ZNF292: variants seen among roughly 807,000 people sequenced by gnomAD.
ZNF292 encodes the protein zinc finger protein 292.
ZNF292 carries 26 observed loss-of-function variants against 217.9 expected under a neutral mutation model. That is an observed-to-expected ratio of 0.12 (90% confidence interval 0.09 to 0.17). ZNF292 has a LOEUF of 0.17. Among genes scored for constraint, ZNF292 ranks in the 10% least tolerant of loss-of-function variants. ZNF292 has a pLI of 1.00. For missense variants in ZNF292, 2,904 were observed against 3,175.2 expected, an observed-to-expected ratio of 0.91 and a Z score of 2.05; for synonymous variants, 1,257 against 1,124.1, an observed-to-expected ratio of 1.12 and a Z score of -2.37.
chr6:87,178,483 T>TA (rs1373740057), intron 1 of ZNF292, among the ~76,000 whole-genome samples: 1 of 152,232 alleles, frequency 6.6e-6, no homozygotes, highest in Non-Finnish European at 1.5e-5. Flanking sequence ...AAACAGTTCT[T>TA]ATAAAGCAAA....
Position 87,240,133 on chromosome 6 carries a change from C to T in ZNF292, c.742-3342C>T, listed in dbSNP as rs575814693. ...GGGAGGCCAAGGCTGGCAGATCACT[C>T]GCGGTTAGGAGCTGGAGACCAGCCC... is the stretch of plus-strand genomic sequence containing the variant. On this transcript the variant is annotated intron_variant, in intron 5 of 7. Coordinates refer to ENST00000369577, the MANE Select transcript of ZNF292 (RefSeq NM_015021.3). 3.3e-5 allele frequency among the ~76,000 whole-genome samples: 5 copies of T among 152,296 alleles called. No homozygotes were observed. In the East Asian group the frequency reaches 5.8e-4, roughly 18 times the overall value.
chr6:87,173,978 T>C lies in ZNF292; in HGVS notation c.168+18219T>C. The C allele has an allele frequency of 2.7e-5, 7 of 263,776 alleles. 1 individual carries two copies. In the South Asian group the frequency reaches 3.3e-4, roughly 12 times the overall value. The allele number at this position is 263,776 out of a possible 1,614,324, so 16.3% of individuals were successfully genotyped here. On this transcript the variant is annotated intron_variant, in intron 1 of 7. Coordinates refer to ENST00000369577, the MANE Select transcript of ZNF292 (RefSeq NM_015021.3). ...TTTTACCCTGGTTCAGGGCAGAAAATAACAAAATCTGCTTCAATGTTAAGA... is the reference window on the plus strand; with the variant it reads ...TTTTACCCTGGTTCAGGGCAGAAAACAACAAAATCTGCTTCAATGTTAAGA...
rs1436093025 is a variant in ZNF292, at chr6:87,256,515, T to C, written c.2886T>C (p.Ser962=). Residue 962 remains serine, a synonymous_variant, in exon 8 of 8, where the codon AGT becomes AGC. Transcript: ENST00000369577. ...GKQENSTVEG[S]GEALVTDLHT... is the part of the protein sequence containing the mutation. ...AAGAAAACTCAACTGTGGAAGGCAG[T>C]GGTGAAGCACTGGTCACAGACTTAC... The C allele has an allele frequency of 1.2e-6, 2 of 1,612,842 alleles. No individual in the cohort carries two copies. The highest frequency in any genetic ancestry group is 1.7e-6 in the Non-Finnish European group (2 of 1,179,830).
intron 7 of ZNF292, among the ~76,000 whole-genome samples, chr6:87,252,258 T>C (rs953267538): frequency 9.9e-5 from 15 of 152,094 alleles, no homozygotes; most frequent in Non-Finnish European, 1.6e-4. Flanking sequence ...TTCAAGTGAT[T>C]CTCCTGCCTT....
intron 7 of ZNF292, among the ~76,000 whole-genome samples, chr6:87,253,292 G>A (rs533249175): frequency 5.5e-5 from 8 of 146,054 alleles, no homozygotes; most frequent in Admixed American, 3.5e-4. Flanking sequence ...GCAGTGGTGC[G>A]ATCTCTGCTC....
At chr6:87,178,161 G>A (rs1167662279) in intron 1 of ZNF292, among the ~76,000 whole-genome samples, 2 of 152,016 alleles carry the variant, frequency 1.3e-5, no homozygotes, top group African/African-American at 4.8e-5. Flanking sequence ...TTAATTACGT[G>A]TTCCTCATTC....
intron 1 of ZNF292, among the ~76,000 whole-genome samples, chr6:87,184,692 A>G (rs539658465): frequency 3.3e-5 from 5 of 152,300 alleles, no homozygotes; most frequent in Admixed American, 6.5e-5. Flanking sequence ...ACAACAGTCC[A>G]TCTGCAAGCC....
chr6:87,218,464 A>T lies in ZNF292; in HGVS notation c.403-132A>T, dbSNP rs375905014. On this transcript the variant is annotated intron_variant, in intron 3 of 7. Transcript: ENST00000369577. ...CATCTTTAAATATTAGAAGGAATTGAGTACTTTGTAATGTGATGTGAAATT... is the reference window on the plus strand; with the variant it reads ...CATCTTTAAATATTAGAAGGAATTGTGTACTTTGTAATGTGATGTGAAATT... 5 of 542,174 alleles carry T rather than the reference A, an allele frequency of 9.2e-6. No individual in the cohort carries two copies. The East Asian group carries it at 1.6e-4, about 18-fold the overall frequency. 33.6% of individuals were successfully genotyped at this position (542,174 alleles called of 1,614,324 possible). A position where few individuals can be genotyped will look rare whatever the true frequency, so the allele number is the denominator to read the frequency against.
chr6:87,261,954 T>C lies in ZNF292; in HGVS notation c.*153T>C. ...AAAAAGAAAAAAAAAACATGACATTTGTCATGTAAAACTTTTTTTTATCCC... is the reference window on the plus strand; with the variant it reads ...AAAAAGAAAAAAAAAACATGACATTCGTCATGTAAAACTTTTTTTTATCCC... On this transcript the variant is annotated 3_prime_UTR_variant, in exon 8 of 8. Transcript: ENST00000369577. The C allele has an allele frequency of 1.7e-6, 1 of 578,040 alleles. No individual in the cohort carries two copies. Among genetic ancestry groups the C allele is most frequent in the East Asian group, 3.2e-5 (1 of 31,420 alleles). 35.8% of individuals were successfully genotyped at this position (578,040 alleles called of 1,614,324 possible).
At chr6:87,226,684 GA>G (rs1336384652) in intron 4 of ZNF292, among the ~76,000 whole-genome samples, 1 of 35,320 alleles carries the variant, frequency 2.8e-5, no homozygotes, top group Non-Finnish European at 5.0e-5. Flanking sequence ...TAGATATATA[GA>G]TTTTTTTTTT....
chr6:87,194,537 A>C (rs1329362872), intron 1 of ZNF292, among the ~76,000 whole-genome samples: 5 of 152,140 alleles, frequency 3.3e-5, no homozygotes, highest in Non-Finnish European at 7.4e-5. Flanking sequence ...TCTAGGGGGG[A>C]GGAACTAAGT....
At position 87,256,495 on chromosome 6, in the gene ZNF292, A is replaced by G; in HGVS notation, c.2866A>G (p.Asn956Asp). The change falls in exon 8 of 8, where the codon AAC (asparagine) becomes GAC (aspartate). Residue 956 changes from asparagine (N) to aspartate (D), a missense_variant. Asn to Asp is a conservative substitution (Grantham distance 23, BLOSUM62 1). Transcript: ENST00000369577. ...TGAGGATAACTTTGGAAAGCAAGAA[A>G]ACTCAACTGTGGAAGGCAGTGGTGA... ...GIEDNFGKQE[N>D]STVEGSGEAL... The G allele has an allele frequency of 1.2e-6, 2 of 1,611,850 alleles. No individual in the cohort carries two copies. The highest frequency in any genetic ancestry group is 1.3e-5 in the African/African-American group (1 of 75,048).
chr6:87,196,361 G>C (rs373637911), intron 1 of ZNF292, among the ~76,000 whole-genome samples: 1 of 151,932 alleles, frequency 6.6e-6, no homozygotes, highest in East Asian at 1.9e-4. Flanking sequence ...TTGTTTCCTT[G>C]CTACACTTTC....
chr6:87,159,536 T>A (rs892712603), intron 1 of ZNF292, among the ~76,000 whole-genome samples: 1 of 147,988 alleles, frequency 6.8e-6, no homozygotes, highest in Non-Finnish European at 1.5e-5. Flanking sequence ...GTAGTTTAAC[T>A]CTGTCACCCA....
chr6:87,231,594 A>G (rs1773659958), intron 4 of ZNF292, among the ~76,000 whole-genome samples: 1 of 152,328 alleles, frequency 6.6e-6, no homozygotes, highest in African/African-American at 2.4e-5. Context: ...ACAAAAGCCT[A>G]TGGCTTTGAA....
At chr6:87,200,767 T>C (rs1004944155) in intron 1 of ZNF292, among the ~76,000 whole-genome samples, 3 of 152,220 alleles carry the variant, frequency 2.0e-5, no homozygotes, top group Admixed American at 1.3e-4. Context: ...GATTGTGTTA[T>C]AGCATCCATA....
intron 1 of ZNF292, among the ~76,000 whole-genome samples, chr6:87,212,299 A>G (rs115767718): frequency 2.1e-3 from 317 of 152,284 alleles, no homozygotes; most frequent in African/African-American, 7.4e-3. Flanking sequence ...CTCTTAGACT[A>G]CTGTTGTTTA....
chr6:87,242,133 C>G (rs1049742363), intron 5 of ZNF292, among the ~76,000 whole-genome samples: 2 of 152,148 alleles, frequency 1.3e-5, no homozygotes, highest in Non-Finnish European at 2.9e-5. Context: ...TAAATCTTTA[C>G]TTTATAAATA....
intron 7 of ZNF292, among the ~76,000 whole-genome samples, chr6:87,247,403 T>G (rs139928640): frequency 6.6e-6 from 1 of 152,096 alleles, no homozygotes; most frequent in Non-Finnish European, 1.5e-5. Flanking sequence ...CACATATGGA[T>G]GGTAGGGAAT....
Sources: gnomAD v4.1 joint callset for allele counts (sites outside exome capture counted in the v4.1 genomes callset) on GRCh38, gnomAD v4.1.1 for gene constraint, MANE v1.5 for transcripts, NCBI Gene and HGNC (gene_info 2026-07-23, HGNC 2026-07-21) for gene names.